LMNTD1: variants seen among roughly 807,000 people sequenced by gnomAD.
LMNTD1 encodes lamin tail domain containing 1, also known as lamin tail domain-containing protein 1.
In LMNTD1, 35 loss-of-function variants were observed where a neutral mutation model predicts 50.9. The observed-to-expected ratio is 0.69, with a 90% CI of 0.53 to 0.91. The LOEUF (loss-of-function observed/expected upper bound fraction) is 0.91, where lower values mean the gene tolerates loss of function less well. Among genes scored for constraint, LMNTD1 ranks in the 40% least tolerant of loss-of-function variants. LMNTD1 has a pLI of 0.00. For synonymous variants in LMNTD1, 153 were observed against 161.9 expected (o/e 0.94, Z 0.42); for missense variants, 470 against 475.5 (o/e 0.99, Z 0.11).
chr12:25,561,980 G>A (rs879726819), intron 1 of LMNTD1, among the ~76,000 whole-genome samples: 12 of 152,080 alleles, frequency 7.9e-5, no homozygotes, highest in South Asian at 2.1e-4. Flanking sequence ...TATGTTTTCC[G>A]TTTGCTTGGT....
chr12:25,642,230 T>C (rs1946970908), intron 1 of LMNTD1, among the ~76,000 whole-genome samples: 1 of 152,304 alleles, frequency 6.6e-6, no homozygotes, highest in East Asian at 1.9e-4. Context: ...CCCCCAAAAT[T>C]CATCTGTTGA....
intron 1 of LMNTD1, among the ~76,000 whole-genome samples, chr12:25,604,906 C>A (rs1946061278): frequency 1.3e-5 from 2 of 152,232 alleles, no homozygotes; most frequent in East Asian, 1.9e-4. Flanking sequence ...AGTTCCAGAT[C>A]CCTGAGGAAT....
At chr12:25,534,769 G>A (rs967962887) in intron 4 of LMNTD1, among the ~76,000 whole-genome samples, 1 of 152,204 alleles carries the variant, frequency 6.6e-6, no homozygotes, top group African/African-American at 2.4e-5. Context: ...GGGGCCTTGT[G>A]TACAGTACTA....
At chr12:25,544,250 T>A (rs1943285022) in intron 4 of LMNTD1, among the ~76,000 whole-genome samples, 1 of 151,938 alleles carries the variant, frequency 6.6e-6, no homozygotes, top group African/African-American at 2.4e-5. Context: ...GGAGCTTTGG[T>A]GTGGGGTGTA....
chr12:25,563,948 C>T lies in LMNTD1; in HGVS notation c.59-17394G>A, dbSNP rs139311448. On this transcript the variant is annotated intron_variant, in intron 1 of 7. Transcript: ENST00000445693. ...TAGGCGTGGGACCCTCCAAGCCATGCGTGGGATATAATCTCCTGGTGTGCC... is the reference window on the plus strand; with the variant it reads ...TAGGCGTGGGACCCTCCAAGCCATGTGTGGGATATAATCTCCTGGTGTGCC... Among the ~76,000 whole-genome samples, 1,130 of 152,284 alleles carry T rather than the reference C, an allele frequency of 7.4e-3. 9 individuals carry two copies. Among genetic ancestry groups the T allele is most frequent in the Non-Finnish European group, 0.012 (841 of 68,006 alleles).
At chr12:25,478,593 T>C (rs1036754142) in intron 9 of LMNTD1, among the ~76,000 whole-genome samples, 1 of 152,180 alleles carries the variant, frequency 6.6e-6, no homozygotes, top group African/African-American at 2.4e-5. Flanking sequence ...GAGACCATCC[T>C]GGCCAACATG....
At chr12:25,641,234 T>C (rs964267679) in intron 1 of LMNTD1, among the ~76,000 whole-genome samples, 2 of 152,186 alleles carry the variant, frequency 1.3e-5, no homozygotes, top group African/African-American at 4.8e-5. Flanking sequence ...GCTGTACTAA[T>C]GTAGCAAAAT....
chr12:25,483,515 T>C (rs576160425), intron 9 of LMNTD1, among the ~76,000 whole-genome samples: 4 of 152,090 alleles, frequency 2.6e-5, no homozygotes, highest in African/African-American at 9.7e-5. Context: ...CTCATGCCTG[T>C]AATCCTAGCA....
chr12:25,525,476 G>A (rs185166060), intron 6 of LMNTD1, among the ~76,000 whole-genome samples: 1 of 152,210 alleles, frequency 6.6e-6, no homozygotes, highest in East Asian at 1.9e-4. Context: ...GACCTGTATG[G>A]AGTACCTTCC....
intron 1 of LMNTD1, among the ~76,000 whole-genome samples, chr12:25,640,280 C>T (rs766687201): frequency 6.6e-5 from 10 of 152,116 alleles, no homozygotes; most frequent in South Asian, 2.1e-4. Context: ...GAGGCCAAGG[C>T]GGGCAGATTG....
rs1941163253 is a variant in LMNTD1, at chr12:25,519,950, T to C, written c.924A>G (p.Ala308=). 1.2e-6 allele frequency: 2 copies of C among 1,613,056 alleles called. No individual in the cohort carries two copies. Among genetic ancestry groups the C allele is most frequent in the Admixed American group, 1.7e-5 (1 of 59,970 alleles). The change falls in exon 7 of 10, where the codon GCA becomes GCG. Residue 308 remains alanine, a synonymous_variant. Transcript: ENST00000458174. ...TFRKRVFQWT[A]STATITKEKQ... ...TTTCTTTAGTTATTGTAGCTGTAGATGCTGTCCACTGAAACACACGCTTTC... is the reference window on the plus strand; with the variant it reads ...TTTCTTTAGTTATTGTAGCTGTAGACGCTGTCCACTGAAACACACGCTTTC...
intron 1 of LMNTD1, among the ~76,000 whole-genome samples, chr12:25,624,817 CA>C (rs894371696): frequency 1.3e-5 from 2 of 152,200 alleles, no homozygotes; most frequent in African/African-American, 4.8e-5. Flanking sequence ...CTCCAGGCCA[CA>C]AAATCACTTC....
chr12:25,579,185 T>C (rs140933942), intron 1 of LMNTD1, among the ~76,000 whole-genome samples: 246 of 152,322 alleles, frequency 1.6e-3, no homozygotes, highest in Non-Finnish European at 2.1e-3. Context: ...TTTCTGTGCA[T>C]TTTGCTTCTG....
chr12:25,627,317 C>T (rs969957), intron 1 of LMNTD1, among the ~76,000 whole-genome samples: 116,051 of 152,054 alleles, frequency 0.76, 44,607 homozygotes, highest in African/African-American at 0.79. Flanking sequence ...TTTCTTTTTT[C>T]AGTGAAATAG....
intron 1 of LMNTD1, among the ~76,000 whole-genome samples, chr12:25,641,481 C>G (rs1946958695): frequency 6.6e-6 from 1 of 152,044 alleles, no homozygotes. Flanking sequence ...AGTATTTAAG[C>G]CTTTGTTCAG....
chr12:25,603,337 G>A (rs746868367), intron 1 of LMNTD1, among the ~76,000 whole-genome samples: 13 of 152,018 alleles, frequency 8.6e-5, no homozygotes, highest in African/African-American at 2.2e-4. Context: ...TGCCCAGGCC[G>A]GAGCACAGTC....
At chr12:25,619,484 T>G (rs1946428519) in intron 1 of LMNTD1, among the ~76,000 whole-genome samples, 1 of 152,198 alleles carries the variant, frequency 6.6e-6, no homozygotes, top group Admixed American at 6.5e-5. Flanking sequence ...AGTTTGCCTT[T>G]TGTAATCAGT....
At chr12:25,586,289 A>G (rs1021728851) in intron 1 of LMNTD1, among the ~76,000 whole-genome samples, 1 of 151,878 alleles carries the variant, frequency 6.6e-6, no homozygotes, top group Admixed American at 6.6e-5. Flanking sequence ...AAAAGCCATC[A>G]CCCCATCCAC....
At chr12:25,606,298 C>T (rs1946100541) in intron 1 of LMNTD1, among the ~76,000 whole-genome samples, 1 of 152,218 alleles carries the variant, frequency 6.6e-6, no homozygotes, top group African/African-American at 2.4e-5. Flanking sequence ...ATTTGACTTG[C>T]TCTTTTCCTA....
Sources: allele counts gnomAD v4.1 joint callset (sites outside exome capture counted in the v4.1 genomes callset), GRCh38; gene constraint gnomAD v4.1.1; transcripts MANE v1.5; gene names NCBI Gene and HGNC (gene_info 2026-07-23, HGNC 2026-07-21).